Variants in WWTR1 observed in about 807,000 individuals in gnomAD.
WWTR1 encodes WW domain containing transcription regulator 1.
Under a neutral mutation model 40.1 loss-of-function variants are expected in WWTR1, and 13 were observed. The ratio of observed to expected loss-of-function variants is 0.32; its 90% CI spans 0.21 to 0.52. The LOEUF (loss-of-function observed/expected upper bound fraction) is 0.52. WWTR1 is among the 20% of genes least tolerant of loss of function. WWTR1 has a pLI of 0.97. For missense variants in WWTR1, 436 were observed against 523.1 expected, an observed-to-expected ratio of 0.83 and a Z score of 1.63; for synonymous variants, 230 against 210.1, an observed-to-expected ratio of 1.09 and a Z score of -0.82.
At chr3:149,702,555 C>T (rs1431524135) in intron 1 of WWTR1, 2 of 151,518 alleles carry the variant, frequency 1.3e-5, no homozygotes, top group African/African-American at 4.8e-5. Context: ...TTAAATGAGA[C>T]CACGTATGTG....
intron 2 of WWTR1, among the ~76,000 whole-genome samples, chr3:149,617,615 C>T (rs773736318): frequency 6.6e-6 from 1 of 152,196 alleles, no homozygotes; most frequent in Non-Finnish European, 1.5e-5. Flanking sequence ...GTCTGGCCAA[C>T]ATGGTGAAAT....
At chr3:149,699,045 C>T (rs530947070) in intron 1 of WWTR1, among the ~76,000 whole-genome samples, 1 of 152,362 alleles carries the variant, frequency 6.6e-6, no homozygotes, top group South Asian at 2.1e-4. Flanking sequence ...GCTAATCTCT[C>T]TAGCAAGTGG....
chr3:149,703,154 C>T (rs187793177), exon 1 of WWTR1: 1 of 152,358 alleles, frequency 6.6e-6, no homozygotes, highest in East Asian at 1.9e-4. Flanking sequence ...CATGTCTTCT[C>T]ATTATGGAGA....
chr3:149,536,684 C>T lies in WWTR1; in HGVS notation c.771+5651G>A, dbSNP rs561999612. On this transcript the variant is annotated intron_variant, in intron 4 of 6. Coordinates refer to ENST00000360632, the MANE Select transcript of WWTR1 (RefSeq NM_015472.6). Reference sequence around the variant, plus strand: ...TCTTTTCTCGTCCCTGTTGCCCCGGCGACCCGAGGCCAGGCTTAGTCAGCA... The same window carrying T: ...TCTTTTCTCGTCCCTGTTGCCCCGGTGACCCGAGGCCAGGCTTAGTCAGCA... Among the ~76,000 whole-genome samples, 60 of 151,492 alleles carry T rather than the reference C, an allele frequency of 4.0e-4. 2 individuals carry two copies. The South Asian group carries it at 0.012, about 30-fold the overall frequency.
At chr3:149,600,060 A>G (rs1037820371) in intron 2 of WWTR1, among the ~76,000 whole-genome samples, 4 of 152,232 alleles carry the variant, frequency 2.6e-5, no homozygotes, top group African/African-American at 9.6e-5. Context: ...GTAAATCTAG[A>G]GATGATTTAA....
chr3:149,599,720 A>C (rs182832775), intron 2 of WWTR1, among the ~76,000 whole-genome samples: 3 of 152,358 alleles, frequency 2.0e-5, no homozygotes, highest in African/African-American at 7.2e-5. Context: ...AAATTTTTTA[A>C]ACTTAAAAGT....
upstream of WWTR1, among the ~76,000 whole-genome samples, chr3:149,661,547 G>A (rs1392583365): frequency 2.0e-5 from 3 of 151,274 alleles, no homozygotes; most frequent in South Asian, 2.1e-4. Context: ...TCAGCCTCCC[G>A]AGTAGTTGGG....
intron 1 of WWTR1, among the ~76,000 whole-genome samples, chr3:149,691,949 G>A (rs1457414875): frequency 6.6e-6 from 1 of 152,142 alleles, no homozygotes; most frequent in African/African-American, 2.4e-5. Flanking sequence ...CTGGGAGGCA[G>A]AGCTTGCAGT....
At chr3:149,635,848 A>G (rs1438149907) in intron 2 of WWTR1, among the ~76,000 whole-genome samples, 1 of 152,190 alleles carries the variant, frequency 6.6e-6, no homozygotes, top group African/African-American at 2.4e-5. Context: ...AAATAAAAAA[A>G]AGGCAATGTT....
chr3:149,691,314 A>G (rs1280645437), intron 1 of WWTR1, among the ~76,000 whole-genome samples: 2 of 151,966 alleles, frequency 1.3e-5, no homozygotes, highest in Non-Finnish European at 2.9e-5. Flanking sequence ...AATAAAGATC[A>G]GAGCAGAAAT....
chr3:149,689,793 T>A (rs1714760892), intron 1 of WWTR1, among the ~76,000 whole-genome samples: 1 of 152,108 alleles, frequency 6.6e-6, no homozygotes, highest in South Asian at 2.1e-4. Flanking sequence ...CTGGTAATAG[T>A]GAGTACACAG....
chr3:149,708,523 T>C (rs1715389922), intron 5 of WWTR1, among the ~76,000 whole-genome samples: 1 of 152,102 alleles, frequency 6.6e-6, no homozygotes, highest in Non-Finnish European at 1.5e-5. Flanking sequence ...ACTTTCTCTT[T>C]CTATGAATTT....
chr3:149,676,877 T>C (rs6779565), intron 1 of WWTR1, among the ~76,000 whole-genome samples: 49,701 of 150,772 alleles, frequency 0.33, 9,163 homozygotes, highest in Middle Eastern at 0.53. Context: ...CTGAAGTCTG[T>C]CACCACCATC....
At chr3:149,723,185 C>CTTTTTTTT (rs35573546) in intron 4 of WWTR1, among the ~76,000 whole-genome samples, 28 of 101,802 alleles carry the variant, frequency 2.8e-4, no homozygotes, top group African/African-American at 4.7e-4. Context: ...CTTTTCTTTT[C>CTTTTTTTT]TTTTTTTTTT....
chr3:149,560,006 G>A (rs1737016455), intron 3 of WWTR1, among the ~76,000 whole-genome samples: 1 of 152,192 alleles, frequency 6.6e-6, no homozygotes, highest in Admixed American at 6.5e-5. Context: ...GAAATTGCAG[G>A]TTTTCTTGGG....
intron 5 of WWTR1, among the ~76,000 whole-genome samples, chr3:149,709,253 G>A (rs1479699943): frequency 1.3e-5 from 2 of 148,600 alleles, no homozygotes; most frequent in Non-Finnish European, 3.0e-5. Context: ...GGGATTACAG[G>A]TGTGGGCCAT....
intron 2 of WWTR1, among the ~76,000 whole-genome samples, chr3:149,639,012 T>C (rs988492093): frequency 2.0e-5 from 3 of 152,224 alleles, no homozygotes; most frequent in Admixed American, 2.0e-4. Context: ...TGCCAGATAC[T>C]TTCTCTTTGG....
intron 2 of WWTR1, among the ~76,000 whole-genome samples, chr3:149,666,068 T>C (rs569782323): frequency 2.2e-4 from 33 of 152,328 alleles, no homozygotes; most frequent in African/African-American, 7.7e-4. Context: ...GATTAAAACA[T>C]TTATTGTTTG....
chr3:149,661,947 G>A (rs1576630239), upstream of WWTR1, among the ~76,000 whole-genome samples: 1 of 151,548 alleles, frequency 6.6e-6, no homozygotes, highest in Non-Finnish European at 1.5e-5. Context: ...GGGCCAGGCT[G>A]GTCTTGAACT....
Sources: gnomAD v4.1 joint callset for allele counts (sites outside exome capture counted in the v4.1 genomes callset) on GRCh38, gnomAD v4.1.1 for gene constraint, MANE v1.5 for transcripts, NCBI Gene and HGNC (gene_info 2026-07-23, HGNC 2026-07-21) for gene names.